Variants in POFUT3 observed in about 807,000 individuals in gnomAD.
The protein encoded by POFUT3 is protein O-fucosyltransferase 3.
the POFUT3 span, among the ~76,000 whole-genome samples, chr8:33,420,086 G>A: frequency 3.3e-5 from 5 of 152,034 alleles, no homozygotes; most frequent in Non-Finnish European, 5.9e-5. Flanking sequence ...CCATGATCAC[G>A]CCACTGTACT....
At chr8:33,352,538 C>T in the POFUT3 span, among the ~76,000 whole-genome samples, 1 of 150,996 alleles carries the variant, frequency 6.6e-6, no homozygotes, top group East Asian at 1.9e-4. Context: ...TTTAAATGAA[C>T]CCACATAAGT....
the POFUT3 span, among the ~76,000 whole-genome samples, chr8:33,341,239 A>G: frequency 1.3e-5 from 2 of 152,034 alleles, no homozygotes; most frequent in African/African-American, 4.8e-5. Context: ...AGTGCAAACC[A>G]GTCTAGCCAA....
the POFUT3 span, among the ~76,000 whole-genome samples, chr8:33,427,391 A>G: frequency 1.3e-5 from 2 of 152,052 alleles, no homozygotes; most frequent in Non-Finnish European, 2.9e-5. Flanking sequence ...CAGCCTGGCC[A>G]ACATGGAGAA....
At chr8:33,310,934 G>A in the POFUT3 span, among the ~76,000 whole-genome samples, 1 of 152,162 alleles carries the variant, frequency 6.6e-6, no homozygotes, top group African/African-American at 2.4e-5. Flanking sequence ...GTAAGGTTTG[G>A]TTAGTTTAGT....
At chr8:33,409,662 T>C in the POFUT3 span, among the ~76,000 whole-genome samples, 15 of 152,120 alleles carry the variant, frequency 9.9e-5, no homozygotes, top group Admixed American at 1.3e-4. Context: ...TCCCAGCACT[T>C]TGGGAAGCCA....
the POFUT3 span, among the ~76,000 whole-genome samples, chr8:33,392,087 G>T: frequency 4.7e-4 from 71 of 152,178 alleles, 1 homozygote; most frequent in African/African-American, 1.5e-3. Flanking sequence ...AGAGAGGAAA[G>T]TTAAAGGGAC....
chr8:33,398,263 G>A, the POFUT3 span, among the ~76,000 whole-genome samples: 44 of 152,166 alleles, frequency 2.9e-4, no homozygotes, highest in African/African-American at 9.4e-4. Flanking sequence ...TTAGAGAAAA[G>A]TTAACTGTAC....
the POFUT3 span, among the ~76,000 whole-genome samples, chr8:33,460,981 C>A: frequency 6.6e-6 from 1 of 152,104 alleles, no homozygotes; most frequent in Non-Finnish European, 1.5e-5. Flanking sequence ...GGTGAAACCA[C>A]ATCTCTATTA....
the POFUT3 span, chr8:33,461,805 T>C: frequency 1.4e-5 from 7 of 490,364 alleles, no homozygotes; most frequent in African/African-American, 1.0e-4. Context: ...TGAAAAAACA[T>C]AGACATTTTA....
At chr8:33,431,098 A>G in the POFUT3 span, among the ~76,000 whole-genome samples, 4 of 152,104 alleles carry the variant, frequency 2.6e-5, no homozygotes, top group Non-Finnish European at 4.4e-5. Context: ...TTTCAAAGTC[A>G]TCCCTCCTGG....
the POFUT3 span, among the ~76,000 whole-genome samples, chr8:33,348,172 A>G: frequency 1.2e-5 from 1 of 84,930 alleles, no homozygotes; most frequent in African/African-American, 4.7e-5. Flanking sequence ...CTCTGCCTCA[A>G]AAAAAAAAAA....
At chr8:33,466,959 G>C in the POFUT3 span, among the ~76,000 whole-genome samples, 1 of 152,200 alleles carries the variant, frequency 6.6e-6, no homozygotes, top group East Asian at 1.9e-4. Flanking sequence ...ACAAAAATTA[G>C]CCGGGTGTGG....
the POFUT3 span, among the ~76,000 whole-genome samples, chr8:33,334,228 T>C: frequency 4.5e-4 from 68 of 152,260 alleles, no homozygotes; most frequent in African/African-American, 1.6e-3. Flanking sequence ...AATTCCTTTT[T>C]TTTTTTTAAG....
chr8:33,389,821 T>G, the POFUT3 span: 9 of 1,496,066 alleles, frequency 6.0e-6, no homozygotes, highest in Non-Finnish European at 7.4e-6. Context: ...AATGAGATAT[T>G]AATTAGTATT....
the POFUT3 span, among the ~76,000 whole-genome samples, chr8:33,344,039 A>G: frequency 6.6e-6 from 1 of 152,202 alleles, no homozygotes. Context: ...TCAGCCTTCC[A>G]AAACTAACAG....
the POFUT3 span, among the ~76,000 whole-genome samples, chr8:33,408,311 T>TAAA: frequency 7.2e-5 from 10 of 138,854 alleles, no homozygotes; most frequent in African/African-American, 5.2e-5. Context: ...CTCTGTCTCT[T>TAAA]AAAAAAAAAA....
the POFUT3 span, among the ~76,000 whole-genome samples, chr8:33,467,183 G>C: frequency 7.1e-6 from 1 of 140,266 alleles, no homozygotes; most frequent in African/African-American, 2.7e-5. Context: ...TGAGGCAGGA[G>C]AATTACTTGA....
At chr8:33,370,794 T>C in the POFUT3 span, 2 of 152,326 alleles carry the variant, frequency 1.3e-5, no homozygotes, top group South Asian at 4.1e-4. Flanking sequence ...GGCTTTCTTT[T>C]GAGGGTTCAA....
chr8:33,397,938 T>A, the POFUT3 span, among the ~76,000 whole-genome samples: 1 of 152,220 alleles, frequency 6.6e-6, no homozygotes, highest in African/African-American at 2.4e-5. Flanking sequence ...AGCAAGGTTT[T>A]ACTGAGTCCT....
Sources: allele counts gnomAD v4.1 joint callset (sites outside exome capture counted in the v4.1 genomes callset), GRCh38; gene constraint gnomAD v4.1.1; transcripts MANE v1.5; gene names NCBI Gene and HGNC (gene_info 2026-07-23, HGNC 2026-07-21).